RAB3C: variants seen among roughly 807,000 people sequenced by gnomAD.
RAB3C encodes ras-related protein Rab-3C.
In RAB3C, 17 loss-of-function variants were observed where a neutral mutation model predicts 26.4. That is an observed-to-expected ratio of 0.64 (90% confidence interval 0.44 to 0.97). RAB3C has a LOEUF of 0.97. Among genes scored for constraint, RAB3C ranks in the 50% least tolerant of loss-of-function variants. The probability of loss-of-function intolerance (pLI) is 0.00; values close to 1 mark genes in which losing one functional copy is unlikely to be tolerated. For synonymous variants in RAB3C, 91 were observed against 95.9 expected, an observed-to-expected ratio of 0.95 and a Z score of 0.30; for missense variants, 242 against 281.9, an observed-to-expected ratio of 0.86 and a Z score of 1.01.
chr5:58,823,090 G>A (rs143546053), intron 3 of RAB3C: 10 of 497,508 alleles, frequency 2.0e-5, no homozygotes, highest in East Asian at 4.7e-5. Flanking sequence ...ATGCAGAAGC[G>A]CATGGGAAAC....
chr5:58,831,679 T>C (rs1743615889), intron 4 of RAB3C, among the ~76,000 whole-genome samples: 1 of 152,182 alleles, frequency 6.6e-6, no homozygotes, highest in Non-Finnish European at 1.5e-5. Context: ...GTTTGTTACA[T>C]TGAGACTGCT....
At chr5:58,787,498 T>C (rs1337014701) in intron 3 of RAB3C, among the ~76,000 whole-genome samples, 1 of 152,208 alleles carries the variant, frequency 6.6e-6, no homozygotes, top group Non-Finnish European at 1.5e-5. Flanking sequence ...GTGTTTTGTC[T>C]ATATACTTTG....
At chr5:58,716,890 A>T (rs1462587505) in intron 2 of RAB3C, among the ~76,000 whole-genome samples, 1 of 151,888 alleles carries the variant, frequency 6.6e-6, no homozygotes, top group East Asian at 1.9e-4. Flanking sequence ...TTGTGAATTC[A>T]TGTCATTACA....
intron 1 of RAB3C, among the ~76,000 whole-genome samples, chr5:58,587,862 G>A (rs923758037): frequency 5.9e-5 from 9 of 152,072 alleles, no homozygotes; most frequent in African/African-American, 2.2e-4. Flanking sequence ...ACTCAGCCCT[G>A]CAGAGTGACT....
chr5:58,771,258 G>C (rs529053935), intron 3 of RAB3C, among the ~76,000 whole-genome samples: 1 of 147,780 alleles, frequency 6.8e-6, no homozygotes, highest in African/African-American at 2.4e-5. Flanking sequence ...TGAAGAATAT[G>C]AATAAATAAT....
intron 2 of RAB3C, among the ~76,000 whole-genome samples, chr5:58,666,556 C>T (rs143766775): frequency 1.3e-5 from 2 of 152,280 alleles, no homozygotes; most frequent in East Asian, 3.9e-4. Flanking sequence ...TCAAAGCATG[C>T]AAAAGATATT....
At position 58,628,398 on chromosome 5, in the gene RAB3C, C is replaced by T. The variant is rs9292169; in HGVS notation, c.252+10528C>T. On this transcript the variant is annotated intron_variant, in intron 2 of 4. Transcript: ENST00000282878. ...GACTCCAGAGCTAGCATCAGAGAGTCATTACCACCCCCTTGGACTGAAGGG... is the reference window on the plus strand; with the variant it reads ...GACTCCAGAGCTAGCATCAGAGAGTTATTACCACCCCCTTGGACTGAAGGG... 3.6e-3 allele frequency among the ~76,000 whole-genome samples: 546 copies of T among 152,214 alleles called. 2 individuals are homozygous for T. Among genetic ancestry groups the T allele is most frequent in the African/African-American group, 0.012 (511 of 41,540 alleles).
In RAB3C at chr5:58,737,427, ATATATATATATATATATATAT is replaced by A. The variant is rs1561305182; in HGVS notation, c.371+11308_371+11328del. Among the ~76,000 whole-genome samples the A allele has an allele frequency of 7.0e-3, 721 of 103,010 alleles. 27 individuals carry two copies. The highest frequency in any genetic ancestry group is 0.019 in the African/African-American group (426 of 22,830). 67.6% of individuals were successfully genotyped at this position (103,010 alleles called of 152,430 possible). On this transcript the variant is annotated intron_variant, in intron 3 of 4. Transcript: ENST00000282878. Reference sequence around the variant, plus strand: ...TATATATATATATATATATATATATATATATATATATATATATATATAATTTACTTGTTTACTGTGTTTATT... The same window carrying A: ...TATATATATATATATATATATATATAAATTTACTTGTTTACTGTGTTTATT...
intron 1 of RAB3C, among the ~76,000 whole-genome samples, chr5:58,595,090 T>C (rs1746218981): frequency 6.6e-6 from 1 of 152,136 alleles, no homozygotes. Flanking sequence ...CCGATTGTGT[T>C]TATTTTTAAA....
rs145311219 is a variant in RAB3C, at chr5:58,854,278, A to AT, written c.*2929dup. 371 of 152,248 alleles carry AT rather than the reference A, an allele frequency of 2.4e-3. 1 individual carries two copies. The highest frequency in any genetic ancestry group is 8.5e-3 in the African/African-American group (355 of 41,554). 9.4% of individuals were successfully genotyped at this position (152,248 alleles called of 1,614,324 possible). A position where few individuals can be genotyped will look rare whatever the true frequency, so the allele number is the denominator to read the frequency against. On this transcript the variant is annotated 3_prime_UTR_variant, in exon 5 of 5. Transcript: ENST00000282878. ...ATGAATTTATTTTCCTTTGCTACTC[A>AT]TTACCTGACCACTTTCACTCCTCTA...
Position 58,839,664 on chromosome 5 carries a change from C to G in RAB3C, c.497-11500C>G, listed in dbSNP as rs142558048. Among the ~76,000 whole-genome samples, 570 of 152,150 alleles carry G rather than the reference C, an allele frequency of 3.7e-3. 6 individuals are homozygous for G. The highest frequency in any genetic ancestry group is 0.013 in the African/African-American group (547 of 41,472). On this transcript the variant is annotated intron_variant, in intron 4 of 4. Transcript: ENST00000282878. Reference sequence around the variant, plus strand: ...GGATTACAGACATGAGCCACTGCACCCAGCCTGATTCCTTTCTCTTTTTTC... The same window carrying G: ...GGATTACAGACATGAGCCACTGCACGCAGCCTGATTCCTTTCTCTTTTTTC...
chr5:58,720,746 A>C (rs746054055), intron 2 of RAB3C, among the ~76,000 whole-genome samples: 1 of 151,836 alleles, frequency 6.6e-6, no homozygotes, highest in Non-Finnish European at 1.5e-5. Flanking sequence ...ATGTATCAGG[A>C]TTGTCTGTCC....
At chr5:58,830,908 T>C (rs1302748323) in intron 4 of RAB3C, among the ~76,000 whole-genome samples, 3 of 152,070 alleles carry the variant, frequency 2.0e-5, no homozygotes, top group African/African-American at 7.2e-5. Context: ...GATCTTGCTC[T>C]GTTGCCCAGG....
chr5:58,583,620 G>T (rs549351678), intron 1 of RAB3C, among the ~76,000 whole-genome samples: 1 of 152,216 alleles, frequency 6.6e-6, no homozygotes, highest in African/African-American at 2.4e-5. Flanking sequence ...CAGATTCGGG[G>T]TTGAAGGCTC....
intron 2 of RAB3C, among the ~76,000 whole-genome samples, chr5:58,656,870 A>G (rs1477039592): frequency 3.3e-5 from 5 of 152,222 alleles, no homozygotes; most frequent in African/African-American, 9.6e-5. Flanking sequence ...TTGATCCAAC[A>G]GTCCCACTAC....
intron 2 of RAB3C, among the ~76,000 whole-genome samples, chr5:58,706,850 T>C (rs1015810684): frequency 6.6e-6 from 1 of 152,220 alleles, no homozygotes; most frequent in Non-Finnish European, 1.5e-5. Context: ...TCTATACATA[T>C]CCAATCATTT....
intron 3 of RAB3C, among the ~76,000 whole-genome samples, chr5:58,742,736 T>C (rs1741303855): frequency 6.6e-6 from 1 of 152,180 alleles, no homozygotes; most frequent in Admixed American, 6.5e-5. Flanking sequence ...TGGAAATGAG[T>C]GCTTTCTGAA....
intron 2 of RAB3C, among the ~76,000 whole-genome samples, chr5:58,697,973 C>T (rs1409157034): frequency 2.6e-5 from 4 of 152,126 alleles, no homozygotes; most frequent in Non-Finnish European, 4.4e-5. Flanking sequence ...ATGATGTTAG[C>T]TGGTTATTTT....
chr5:58,721,333 T>C (rs1351500775), intron 2 of RAB3C, among the ~76,000 whole-genome samples: 1 of 151,624 alleles, frequency 6.6e-6, no homozygotes, highest in Non-Finnish European at 1.5e-5. Context: ...TTATCCCTCA[T>C]TTTCTCTCTG....
Sources: gnomAD v4.1 joint callset for allele counts (sites outside exome capture counted in the v4.1 genomes callset) on GRCh38, gnomAD v4.1.1 for gene constraint, MANE v1.5 for transcripts, NCBI Gene and HGNC (gene_info 2026-07-23, HGNC 2026-07-21) for gene names.